RIMS1: variants seen among roughly 807,000 people sequenced by gnomAD.
The protein encoded by RIMS1 is regulating synaptic membrane exocytosis protein 1.
In RIMS1, 83 loss-of-function variants were observed where a neutral mutation model predicts 214.1. The ratio of observed to expected loss-of-function variants is 0.39; its 90% confidence interval spans 0.32 to 0.47. The LOEUF is 0.47. RIMS1 is among the 20% of genes least tolerant of loss of function. The pLI is 0.99. For missense variants in RIMS1, 2,050 were observed against 2,161.8 expected (o/e 0.95, Z 1.03); for synonymous variants, 793 against 786.8 (o/e 1.01, Z -0.13).
At chr6:72,325,840 C>A (rs1271631799) in intron 28 of RIMS1, among the ~76,000 whole-genome samples, 2 of 151,704 alleles carry the variant, frequency 1.3e-5, no homozygotes, top group Non-Finnish European at 3.0e-5. Flanking sequence ...AGTTCTGATT[C>A]TTATTATCAA....
chr6:72,027,457 T>C (rs1358999599), intron 2 of RIMS1, among the ~76,000 whole-genome samples: 1 of 152,140 alleles, frequency 6.6e-6, no homozygotes, highest in African/African-American at 2.4e-5. Context: ...GGGAATGCCC[T>C]CAGAGAATGT....
At chr6:72,225,870 T>G (rs1004807080) in intron 6 of RIMS1, among the ~76,000 whole-genome samples, 2 of 152,214 alleles carry the variant, frequency 1.3e-5, no homozygotes, top group East Asian at 3.8e-4. Flanking sequence ...GTTATCCAGG[T>G]TATCTTACTA....
intron 28 of RIMS1, among the ~76,000 whole-genome samples, chr6:72,329,008 C>T (rs1034617466): frequency 2.0e-5 from 3 of 151,610 alleles, no homozygotes; most frequent in African/African-American, 7.3e-5. Flanking sequence ...TTGCCAAGAA[C>T]TGGAACCAGA....
intron 29 of RIMS1, among the ~76,000 whole-genome samples, chr6:72,382,640 A>G (rs2098510546): frequency 6.6e-6 from 1 of 152,182 alleles, no homozygotes; most frequent in African/African-American, 2.4e-5. Context: ...GGCCTTAGAT[A>G]AAAGACCCTC....
At chr6:71,985,694 G>A (rs1341643793) in intron 2 of RIMS1, among the ~76,000 whole-genome samples, 1 of 152,058 alleles carries the variant, frequency 6.6e-6, no homozygotes, top group Non-Finnish European at 1.5e-5. Context: ...TATTTAGTTA[G>A]TTTTTGAGAA....
intron 4 of RIMS1, among the ~76,000 whole-genome samples, chr6:72,108,296 C>T (rs1218003213): frequency 6.6e-6 from 1 of 152,030 alleles, no homozygotes; most frequent in Admixed American, 6.6e-5. Flanking sequence ...TACCATGTTG[C>T]CCAGGCTGGT....
At position 72,123,800 on chromosome 6, in the gene RIMS1, C is replaced by A. The variant is rs558590169; in HGVS notation, c.471+23814C>A. Among the ~76,000 whole-genome samples, 7 of 151,652 alleles carry A rather than the reference C, an allele frequency of 4.6e-5. No individual in the cohort carries two copies. In the East Asian group the frequency reaches 1.4e-3, roughly 29 times the overall value. On this transcript the variant is annotated intron_variant, in intron 4 of 33. Transcript: ENST00000521978. ...TCAGAGACTAGGATTGCAACCCCTG[C>A]TTTTTTTTGTTTTCCATTTGCTTGG...
At position 72,265,947 on chromosome 6, in the gene RIMS1, G is replaced by A; in HGVS notation, c.3309-13G>A. ...TTTCTCTTCTACCACTGGATGCAAT[G>A]CACTGGCACTAGTGAACTGCAGCCC... On this transcript the variant is annotated splice_polypyrimidine_tract_variant and intron_variant, in intron 21 of 33. Coordinates refer to ENST00000521978, the MANE Select transcript of RIMS1 (RefSeq NM_014989.7). 1 of 1,546,808 alleles carries A rather than the reference G, an allele frequency of 6.5e-7. No individual in the cohort carries two copies. The highest frequency in any genetic ancestry group is 8.8e-7 in the Non-Finnish European group (1 of 1,138,600).
At chr6:72,363,051 G>A (rs1239377818) in intron 29 of RIMS1, among the ~76,000 whole-genome samples, 1 of 152,140 alleles carries the variant, frequency 6.6e-6, no homozygotes, top group Non-Finnish European at 1.5e-5. Flanking sequence ...ATGTTATGAA[G>A]AGGTATAGGG....
chr6:72,151,174 C>G (rs1039520214), intron 4 of RIMS1, among the ~76,000 whole-genome samples: 8 of 152,168 alleles, frequency 5.3e-5, no homozygotes, highest in Admixed American at 3.9e-4. Flanking sequence ...TCCCAAGTAG[C>G]TGGGACTACA....
chr6:72,366,011 G>A (rs2098000403), intron 29 of RIMS1, among the ~76,000 whole-genome samples: 1 of 152,186 alleles, frequency 6.6e-6, no homozygotes, highest in Non-Finnish European at 1.5e-5. Flanking sequence ...GTAAAACATA[G>A]CAATACCAAT....
At chr6:72,358,956 T>G (rs1335428985) in intron 29 of RIMS1, among the ~76,000 whole-genome samples, 7 of 152,134 alleles carry the variant, frequency 4.6e-5, no homozygotes, top group Non-Finnish European at 1.5e-5. Context: ...AGATGAGACA[T>G]CTTAAACCTC....
intron 2 of RIMS1, among the ~76,000 whole-genome samples, chr6:71,983,575 G>A (rs1799060799): frequency 1.3e-5 from 2 of 152,030 alleles, no homozygotes; most frequent in South Asian, 4.1e-4. Flanking sequence ...TCAGTTAAAA[G>A]TAAATAAGTC....
intron 4 of RIMS1, among the ~76,000 whole-genome samples, chr6:72,107,651 G>A (rs996245146): frequency 1.3e-5 from 2 of 152,082 alleles, no homozygotes; most frequent in Non-Finnish European, 2.9e-5. Context: ...GTGATGATGT[G>A]GTCAAAGGAC....
chr6:72,214,718 C>G (rs2055010417), intron 6 of RIMS1, among the ~76,000 whole-genome samples: 1 of 151,884 alleles, frequency 6.6e-6, no homozygotes, highest in Non-Finnish European at 1.5e-5. Flanking sequence ...TTATATGATT[C>G]ATGCATTCTT....
chr6:72,252,934 C>G, intron 16 of RIMS1, 102 bp downstream of exon 16: 2 of 805,768 alleles, frequency 2.5e-6, no homozygotes, highest in South Asian at 3.2e-5. Flanking sequence ...AGATTTATAG[C>G]ACAGAGAAAT....
At chr6:72,028,579 T>A (rs1817203980) in intron 2 of RIMS1, among the ~76,000 whole-genome samples, 1 of 152,208 alleles carries the variant, frequency 6.6e-6, no homozygotes, top group African/African-American at 2.4e-5. Flanking sequence ...CTTTTTCAGC[T>A]TCTGCATTAT....
intron 4 of RIMS1, among the ~76,000 whole-genome samples, chr6:72,139,374 T>C (rs1449753676): frequency 6.6e-6 from 1 of 152,224 alleles, no homozygotes; most frequent in Non-Finnish European, 1.5e-5. Context: ...GGCCCAAGGT[T>C]TGTGCCTCTG....
chr6:72,361,032 G>C (rs959495477), intron 29 of RIMS1, among the ~76,000 whole-genome samples: 1 of 147,430 alleles, frequency 6.8e-6, no homozygotes, highest in Non-Finnish European at 1.5e-5. Flanking sequence ...GAGAAATTTA[G>C]GGAGGTTCCT....
Sources: gnomAD v4.1 joint callset for allele counts (sites outside exome capture counted in the v4.1 genomes callset) on GRCh38, gnomAD v4.1.1 for gene constraint, MANE v1.5 for transcripts, NCBI Gene and HGNC (gene_info 2026-07-23, HGNC 2026-07-21) for gene names.